The following SMAD7 variants were observed in gnomAD, a reference collection of about 807,000 sequenced individuals.
The protein encoded by SMAD7 is MAD (mothers against decapentaplegic, Drosophila) homolog 7.
SMAD7 carries 8 observed loss-of-function variants against 38.7 expected under a neutral mutation model. The observed-to-expected ratio is 0.21, with a 90% CI of 0.12 to 0.37. The LOEUF (loss-of-function observed/expected upper bound fraction) is 0.37. Ranked by LOEUF, SMAD7 falls within the 10% of genes least tolerant of loss-of-function variation. The pLI, the probability that SMAD7 is intolerant of heterozygous loss-of-function variation, is 1.00. For synonymous variants in SMAD7, 327 were observed against 265.1 expected (o/e 1.23, Z -2.27); for missense variants, 477 against 577.9 (o/e 0.83, Z 1.79).
chr18:48,944,625 G>A (rs969963094), intron 2 of SMAD7, among the ~76,000 whole-genome samples: 3 of 152,162 alleles, frequency 2.0e-5, no homozygotes, highest in African/African-American at 7.2e-5. Context: ...CTATCCCATG[G>A]CTCTCACTCC....
At chr18:48,930,720 G>C (rs919693043) in intron 3 of SMAD7, among the ~76,000 whole-genome samples, 3 of 150,100 alleles carry the variant, frequency 2.0e-5, no homozygotes, top group Non-Finnish European at 4.5e-5. Flanking sequence ...GGTGTGTGCC[G>C]ACACATGAGG....
chr18:48,941,305 A>T (rs2070136693), intron 3 of SMAD7, among the ~76,000 whole-genome samples: 1 of 152,074 alleles, frequency 6.6e-6, no homozygotes, highest in South Asian at 2.1e-4. Context: ...AGTAAACAAT[A>T]CCCTCAGTCT....
intron 3 of SMAD7, among the ~76,000 whole-genome samples, chr18:48,925,687 G>C (rs912282404): frequency 2.0e-5 from 3 of 152,146 alleles, no homozygotes; most frequent in African/African-American, 7.2e-5. Flanking sequence ...AATGGCACAG[G>C]GTGACCAGGC....
rs964459189 is a variant in SMAD7, at chr18:48,939,738, C to A, written c.742+2743G>T. Among the ~76,000 whole-genome samples the A allele has an allele frequency of 2.5e-4, 38 of 152,154 alleles. 1 individual carries two copies. The highest frequency in any genetic ancestry group is 2.0e-4 in the Admixed American group (3 of 15,274). ...GGGCAGGACAGGAAGGAAAACAGCA[C>A]ACAGGGCCTGTGAAAGAGGCTCAGA... is the stretch of plus-strand genomic sequence containing the variant. On this transcript the variant is annotated intron_variant, in intron 3 of 3. Transcript: ENST00000262158.
At chr18:48,937,398 C>T (rs1214321810) in intron 3 of SMAD7, among the ~76,000 whole-genome samples, 1 of 151,994 alleles carries the variant, frequency 6.6e-6, no homozygotes, top group Admixed American at 6.6e-5. Context: ...CCTTTGCTGG[C>T]CCAGTTCAGC....
intron 3 of SMAD7, among the ~76,000 whole-genome samples, chr18:48,931,080 C>T (rs1288430868): frequency 6.6e-6 from 1 of 152,154 alleles, no homozygotes; most frequent in African/African-American, 2.4e-5. Flanking sequence ...CAAACACTGT[C>T]TGATTCCACT....
At chr18:48,949,732 C>T in intron 1 of SMAD7, 80 bp downstream of exon 1, 3 of 1,447,716 alleles carry the variant, frequency 2.1e-6, no homozygotes, top group South Asian at 2.8e-5. Flanking sequence ...GGGATGGCTG[C>T]ACAAACGCAC....
intron 3 of SMAD7, chr18:48,933,476 A>G (rs1288419107): frequency 6.6e-6 from 1 of 152,332 alleles, no homozygotes; most frequent in Non-Finnish European, 1.5e-5. Flanking sequence ...CTGGCACATA[A>G]TAGGTGTCAA....
At chr18:48,942,359 A>G in intron 3 of SMAD7, 122 bp downstream of exon 3, 1 of 686,750 alleles carries the variant, frequency 1.5e-6, no homozygotes, top group Non-Finnish European at 2.6e-6. Context: ...AACTTAAGGC[A>G]TATAAAAATG....
chr18:48,933,758 C>G (rs2070031023), intron 3 of SMAD7: 1 of 152,310 alleles, frequency 6.6e-6, no homozygotes, highest in Non-Finnish European at 1.5e-5. Context: ...GGCGCCGGCC[C>G]ACCAACCTCT....
At position 48,921,072 on chromosome 18, in the gene SMAD7, T is replaced by G; in HGVS notation, c.*300A>C. 2.5e-6 allele frequency: 1 copy of G among 407,874 alleles called. No individual in the cohort carries two copies. The highest frequency in any genetic ancestry group is 4.5e-6 in the Non-Finnish European group (1 of 223,366). The allele number at this position is 407,874 out of a possible 1,614,324, so 25.3% of individuals were successfully genotyped here. A position where few individuals can be genotyped will look rare whatever the true frequency, so the allele number is the denominator to read the frequency against. On this transcript the variant is annotated 3_prime_UTR_variant, in exon 4 of 4. Coordinates refer to ENST00000262158, the MANE Select transcript of SMAD7 (RefSeq NM_005904.4). This position sits in a 1 kb window ranked among gnomAD's most constrained non-coding sequence, Gnocchi z 6.4. ...GTGAAATGATGACCGCCCCCCTTCA[T>G]ACACTGTGTTTGGTGGTGCTTGGAT...
At chr18:48,934,707 A>G (rs2070043660) in intron 3 of SMAD7, among the ~76,000 whole-genome samples, 1 of 152,140 alleles carries the variant, frequency 6.6e-6, no homozygotes, top group African/African-American at 2.4e-5. Flanking sequence ...TAAAAATAAC[A>G]TAAAGTTCTC....
At chr18:48,947,893 C>G (rs1176792937) in intron 2 of SMAD7, among the ~76,000 whole-genome samples, 4 of 32,796 alleles carry the variant, frequency 1.2e-4, no homozygotes, top group Admixed American at 4.3e-4. Context: ...GAGGAACCTA[C>G]CCCCCCCCCC....
At position 48,950,646 on chromosome 18, in the gene SMAD7, C is replaced by A; in HGVS notation, c.-222G>T. 1 of 159,474 alleles carries A rather than the reference C, an allele frequency of 6.3e-6. No individual in the cohort carries two copies. The highest frequency in any genetic ancestry group is 2.0e-4 in the South Asian group (1 of 5,038). The allele number at this position is 159,474 out of a possible 1,614,324, so 9.9% of individuals were successfully genotyped here. ...CGCGCGGGGGCCCGGGGGCGCCCGC[C>A]GGGGATCGGGGGCCTGCGCTCCGGC... On this transcript the variant is annotated 5_prime_UTR_variant, in exon 1 of 4. Coordinates refer to ENST00000262158, the MANE Select transcript of SMAD7 (RefSeq NM_005904.4).
chr18:48,949,470 C>G (rs1446163446), intron 1 of SMAD7: 2 of 177,088 alleles, frequency 1.1e-5, no homozygotes, highest in African/African-American at 4.7e-5. Context: ...CCCCCCACCT[C>G]CCTCTGCACC....
At chr18:48,935,483 G>T (rs1052140802) in intron 3 of SMAD7, among the ~76,000 whole-genome samples, 44 of 152,084 alleles carry the variant, frequency 2.9e-4, no homozygotes, top group African/African-American at 1.1e-3. Context: ...AGTCACCTAC[G>T]GCCACTGCAG....
intron 3 of SMAD7, among the ~76,000 whole-genome samples, chr18:48,940,804 T>C (rs903622360): frequency 6.9e-6 from 1 of 144,540 alleles, no homozygotes; most frequent in African/African-American, 2.6e-5. Flanking sequence ...AGCGAGACTT[T>C]GTCAAAAAAG....
chr18:48,930,726 T>G (rs12456328), intron 3 of SMAD7, among the ~76,000 whole-genome samples: 18 of 152,050 alleles, frequency 1.2e-4, no homozygotes, highest in Non-Finnish European at 2.1e-4. Flanking sequence ...TGCCGACACA[T>G]GAGGCACAAG....
Position 48,950,499 on chromosome 18 carries a change from G to T in SMAD7, c.-75C>A. The T allele has an allele frequency of 7.1e-7, 1 of 1,402,102 alleles. No individual in the cohort carries two copies. Among genetic ancestry groups the T allele is most frequent in the African/African-American group, 1.5e-5 (1 of 66,494 alleles). The allele number at this position is 1,402,102 out of a possible 1,614,324, so 86.9% of individuals were successfully genotyped here. On this transcript the variant is annotated 5_prime_UTR_variant, in exon 1 of 4. Transcript: ENST00000262158. ...CATGACCTCCGCACACCATGAAGAA[G>T]TCGGGCGCCGAGTTGGGGCAGCAGG... is the stretch of plus-strand genomic sequence containing the variant.
Sources: gnomAD v4.1 joint callset for allele counts (sites outside exome capture counted in the v4.1 genomes callset) on GRCh38, gnomAD v4.1.1 for gene constraint, Gnocchi (gnomAD v3.1) non-coding constraint, MANE v1.5 for transcripts, NCBI Gene and HGNC (gene_info 2026-07-23, HGNC 2026-07-21) for gene names.